Variants in TRAPPC3 observed in about 807,000 individuals in gnomAD.
TRAPPC3 encodes the protein trafficking protein particle complex subunit 3, also known as trafficking protein particle complex 3.
TRAPPC3 carries 5 observed loss-of-function variants against 18.2 expected under a neutral mutation model. The ratio of observed to expected loss-of-function variants is 0.28; its 90% CI spans 0.14 to 0.58. The LOEUF (loss-of-function observed/expected upper bound fraction) is 0.58. Among genes scored for constraint, TRAPPC3 ranks in the 20% least tolerant of loss-of-function variants. TRAPPC3 has a pLI of 0.91. For synonymous variants in TRAPPC3, 65 were observed against 84.2 expected, an observed-to-expected ratio of 0.77 and a Z score of 1.25; for missense variants, 176 against 225.9, an observed-to-expected ratio of 0.78 and a Z score of 1.41.
Position 36,140,134 on chromosome 1 carries a change from G to C in TRAPPC3, c.75C>G (p.Ala25=). The part of the protein sequence containing the change: ...SSELFTLTYG[A]LVTQLCKDYE... ...AGTCCTTACATAGCTGGGTGACCAG[G>C]GCACCATAGGTCAGGGTGAAGAGCT... The change falls in exon 2 of 5, where the codon GCC becomes GCG. Residue 25 remains alanine, a synonymous_variant. Transcript: ENST00000373166. 1 of 1,603,858 alleles carries C rather than the reference G, an allele frequency of 6.2e-7. No individual in the cohort carries two copies. Among genetic ancestry groups the C allele is most frequent in the Non-Finnish European group, 8.5e-7 (1 of 1,177,124 alleles).
chr1:36,145,321 G>A (rs1473422158), intron 1 of TRAPPC3, among the ~76,000 whole-genome samples: 1 of 151,956 alleles, frequency 6.6e-6, no homozygotes, highest in African/African-American at 2.4e-5. Context: ...GAGCCACCAT[G>A]CCTGGCCAGG....
At chr1:36,153,836 C>T (rs1468051404), upstream of TRAPPC3, among the ~76,000 whole-genome samples, 1 of 152,160 alleles carries the variant, frequency 6.6e-6, no homozygotes, top group Admixed American at 6.5e-5. Context: ...ATTTCCAGTT[C>T]TAAAGTCTGC....
chr1:36,147,232 A>C (rs1452403148), intron 1 of TRAPPC3, among the ~76,000 whole-genome samples: 2 of 152,134 alleles, frequency 1.3e-5, no homozygotes, highest in Non-Finnish European at 2.9e-5. Flanking sequence ...CTGAGGCAGG[A>C]GAATCTTTTG....
At position 36,137,842 on chromosome 1, in the gene TRAPPC3, A is replaced by G; in HGVS notation, c.377T>C (p.Ile126Thr). The G allele has an allele frequency of 3.1e-6, 5 of 1,614,250 alleles. No homozygotes were observed. The highest frequency in any genetic ancestry group is 4.2e-6 in the Non-Finnish European group (5 of 1,180,052). ...CACCCCACACAAGAGATTGGAATAA[A>G]TAAGGGATGAGTGGTTATCAGGAAG... The part of the protein sequence containing the change: ...VELPDNHSSL[I>T]YSNLLCGVLR... The change falls in exon 4 of 5, where the codon ATT (isoleucine) becomes ACT (threonine). Residue 126 changes from isoleucine to threonine, a missense_variant. Physicochemically the swap from Ile to Thr is moderately conservative, Grantham distance 89. Around this residue, in one of 2 missense-constraint regions of TRAPPC3, gnomAD observed 147 missense variants for 164.3 expected, o/e 0.89. Transcript: ENST00000373166.
Position 36,137,107 on chromosome 1 carries a change from G to A in TRAPPC3, c.*96C>T. ...GGTTATAAGAATATATAACATCCAT[G>A]TTCAAGAGTCACTGAGTTCTGGAGG... is the stretch of plus-strand genomic sequence containing the variant. On this transcript the variant is annotated 3_prime_UTR_variant, in exon 5 of 5. Transcript: ENST00000373166. 1.4e-6 allele frequency: 2 copies of A among 1,409,080 alleles called. No individual in the cohort carries two copies. The highest frequency in any genetic ancestry group is 2.0e-6 in the Non-Finnish European group (2 of 1,020,478). The allele number at this position is 1,409,080 out of a possible 1,614,324, so 87.3% of individuals were successfully genotyped here. A position where few individuals can be genotyped will look rare whatever the true frequency, so the allele number is the denominator to read the frequency against.
chr1:36,145,044 C>T (rs1389685348), intron 1 of TRAPPC3, among the ~76,000 whole-genome samples: 50 of 151,768 alleles, frequency 3.3e-4, no homozygotes, highest in Admixed American at 3.1e-3. Context: ...TTTTTTGAGA[C>T]GGAGTCTCGC....
upstream of TRAPPC3, among the ~76,000 whole-genome samples, chr1:36,153,187 C>T (rs1375916031): frequency 6.6e-6 from 1 of 152,202 alleles, no homozygotes; most frequent in Non-Finnish European, 1.5e-5. Flanking sequence ...CCTACTTGCT[C>T]CTTCTCTGGG....
chr1:36,149,386 G>GCCGCC lies in TRAPPC3; in HGVS notation c.-13_-9dup. 6.2e-7 allele frequency: 1 copy of GCCGCC among 1,612,464 alleles called. No homozygotes were observed. Among genetic ancestry groups the GCCGCC allele is most frequent in the East Asian group, 2.2e-5 (1 of 44,850 alleles). On this transcript the variant is annotated 5_prime_UTR_variant, in exon 1 of 5. Transcript: ENST00000373166. ...GTTCGCCTGCCTCGACATGGTGCCGGCCGCCCCGCCCCACTCGCCTAGCCA... is the reference window on the plus strand; with the variant it reads ...GTTCGCCTGCCTCGACATGGTGCCGGCCGCCCCGCCCCGCCCCACTCGCCTAGCCA...
At chr1:36,146,905 C>A (rs968512867) in intron 1 of TRAPPC3, among the ~76,000 whole-genome samples, 1 of 152,168 alleles carries the variant, frequency 6.6e-6, no homozygotes, top group African/African-American at 2.4e-5. Flanking sequence ...GTTTATTGGA[C>A]AAAAGGGCTG....
At position 36,144,710 on chromosome 1, in the gene TRAPPC3, T is replaced by G. The variant is rs544429468; in HGVS notation, c.43-4544A>C. Among the ~76,000 whole-genome samples, 9 of 152,306 alleles carry G rather than the reference T, an allele frequency of 5.9e-5. No individual in the cohort carries two copies. The South Asian group carries it at 1.9e-3, about 32-fold the overall frequency. ...AGCTGTGAGTACTTAGGTAAATCAA[T>G]TCACTGGGCTAAGCCTCAATCTTCT... On this transcript the variant is annotated intron_variant, in intron 1 of 4. Transcript: ENST00000373166.
intron 1 of TRAPPC3, among the ~76,000 whole-genome samples, chr1:36,145,070 G>T (rs1002598365): frequency 1.3e-5 from 2 of 151,946 alleles, no homozygotes; most frequent in East Asian, 3.9e-4. Context: ...CGCCCAGGAT[G>T]AAGTGCAGTA....
intron 3 of TRAPPC3, 39 bp downstream of exon 3, chr1:36,139,681 G>A (rs374319020): frequency 6.2e-7 from 1 of 1,612,528 alleles, no homozygotes; most frequent in Non-Finnish European, 8.5e-7. Context: ...CCTCTCAGCA[G>A]CAATTCTTCA....
At chr1:36,152,530 G>A (rs1644278880), upstream of TRAPPC3, among the ~76,000 whole-genome samples, 1 of 152,026 alleles carries the variant, frequency 6.6e-6, no homozygotes, top group Non-Finnish European at 1.5e-5. Flanking sequence ...GGTTGGTCGT[G>A]AACTCCTGAC....
At chr1:36,149,544 A>T (rs1644252133), upstream of TRAPPC3, 2 of 794,700 alleles carry the variant, frequency 2.5e-6, no homozygotes, top group African/African-American at 1.7e-5. Flanking sequence ...GGTCCGGCCG[A>T]CGTGGGCAAC....
intron 1 of TRAPPC3, chr1:36,149,112 C>T: frequency 1.1e-5 from 16 of 1,433,420 alleles, no homozygotes; most frequent in Non-Finnish European, 1.4e-5. Flanking sequence ...GTTGGCTTAG[C>T]ACAGAGCTGC....
chr1:36,139,858 A>G, intron 2 of TRAPPC3, 39 bp from the exon 3 acceptor site: 4 of 1,611,450 alleles, frequency 2.5e-6, no homozygotes, highest in Non-Finnish European at 2.5e-6. Flanking sequence ...GATGGAGTCT[A>G]AATGTCTTAT....
chr1:36,137,679 G>A (rs1387216309), intron 4 of TRAPPC3, 117 bp downstream of exon 4: 1 of 1,059,266 alleles, frequency 9.4e-7, no homozygotes, highest in African/African-American at 1.6e-5. Context: ...CACCATCTCA[G>A]GCAGTAAAGC....
chr1:36,154,404 G>A (rs1644297950), upstream of TRAPPC3, among the ~76,000 whole-genome samples: 2 of 152,098 alleles, frequency 1.3e-5, no homozygotes, highest in Admixed American at 1.3e-4. Context: ...GGTGGGAGGT[G>A]GGAGAAGAAC....
At chr1:36,148,189 G>A (rs887234825) in intron 1 of TRAPPC3, among the ~76,000 whole-genome samples, 1 of 152,206 alleles carries the variant, frequency 6.6e-6, no homozygotes, top group African/African-American at 2.4e-5. Context: ...GGCCGGGTGT[G>A]GTGGCTCACC....
Sources: allele counts gnomAD v4.1 joint callset (sites outside exome capture counted in the v4.1 genomes callset), GRCh38; gene constraint gnomAD v4.1.1; regional missense constraint gnomAD v4.1.1; transcripts MANE v1.5; gene names NCBI Gene and HGNC (gene_info 2026-07-23, HGNC 2026-07-21).